SLC24A2: variants seen among roughly 807,000 people sequenced by gnomAD.
SLC24A2 encodes the protein solute carrier family 24 member 2, also known as sodium/potassium/calcium exchanger 2.
Under a neutral mutation model 62.0 loss-of-function variants are expected in SLC24A2, and 36 were observed. The observed-to-expected ratio is 0.58, with a 90% CI of 0.44 to 0.77. The LOEUF is 0.77. Among genes scored for constraint, SLC24A2 ranks in the 30% least tolerant of loss-of-function variants. The pLI is 0.00. For synonymous variants in SLC24A2, 358 were observed against 294.0 expected (o/e 1.22, Z -2.23); for missense variants, 846 against 817.9 (o/e 1.03, Z -0.42).
the SLC24A2 span, among the ~76,000 whole-genome samples, chr9:19,945,535 C>T: frequency 6.6e-6 from 1 of 152,224 alleles, no homozygotes; most frequent in African/African-American, 2.4e-5. Context: ...GGGTAATTCT[C>T]CCTTTGCTAT....
the SLC24A2 span, among the ~76,000 whole-genome samples, chr9:20,073,658 C>T: frequency 1.2e-4 from 19 of 152,078 alleles, no homozygotes; most frequent in Middle Eastern, 0.01. Context: ...GTATATTTAA[C>T]TTCCACAGGA....
chr9:20,191,156 C>T, the SLC24A2 span, among the ~76,000 whole-genome samples: 98 of 120,960 alleles, frequency 8.1e-4, no homozygotes, highest in Admixed American at 5.2e-3. Flanking sequence ...CCATGTTTTC[C>T]GGACCTTTTT....
At chr9:20,140,488 G>A in the SLC24A2 span, among the ~76,000 whole-genome samples, 1 of 152,178 alleles carries the variant, frequency 6.6e-6, no homozygotes, top group Non-Finnish European at 1.5e-5. Context: ...GACTCAGGCA[G>A]ACTGGAAAGC....
chr9:19,559,899 A>C lies in SLC24A2; in HGVS notation c.1348-9631T>G, dbSNP rs1325290270. 1.6e-4 allele frequency among the ~76,000 whole-genome samples: 25 copies of C among 152,194 alleles called. 1 individual carries two copies. The highest frequency in any genetic ancestry group is 3.7e-4 in the Non-Finnish European group (25 of 68,026). On this transcript the variant is annotated intron_variant, in intron 7 of 10. Coordinates refer to ENST00000341998, the MANE Select transcript of SLC24A2 (RefSeq NM_020344.4). ...AAATAGAACATTATACTTGAAATTGAAATATGGGAGACTGACCCATAAAAT... is the reference window on the plus strand; with the variant it reads ...AAATAGAACATTATACTTGAAATTGCAATATGGGAGACTGACCCATAAAAT...
the SLC24A2 span, among the ~76,000 whole-genome samples, chr9:20,292,630 G>C: frequency 1.3e-5 from 2 of 152,242 alleles, no homozygotes; most frequent in African/African-American, 4.8e-5. Context: ...TTTTGGGATA[G>C]TATCTCGTTC....
the SLC24A2 span, among the ~76,000 whole-genome samples, chr9:20,079,106 A>G: frequency 8.3e-4 from 126 of 152,178 alleles, 1 homozygote; most frequent in Non-Finnish European, 1.5e-3. Context: ...TCCAATGATA[A>G]TTGTCCTTAC....
the SLC24A2 span, among the ~76,000 whole-genome samples, chr9:20,098,216 C>T: frequency 1.3e-5 from 2 of 152,126 alleles, no homozygotes. Flanking sequence ...CAAGGTCATT[C>T]ATTTAACAAC....
At chr9:19,897,067 G>T in the SLC24A2 span, among the ~76,000 whole-genome samples, 1 of 152,140 alleles carries the variant, frequency 6.6e-6, no homozygotes, top group East Asian at 1.9e-4. Context: ...TCCACATCAA[G>T]CCTTCTTCAT....
the SLC24A2 span, among the ~76,000 whole-genome samples, chr9:19,862,187 A>G: frequency 6.6e-6 from 1 of 152,144 alleles, no homozygotes; most frequent in Admixed American, 6.5e-5. Flanking sequence ...AGGATTCTAA[A>G]AACAACAAAT....
chr9:19,725,222 C>T (rs1821136948), intron 2 of SLC24A2, among the ~76,000 whole-genome samples: 1 of 152,090 alleles, frequency 6.6e-6, no homozygotes, highest in Non-Finnish European at 1.5e-5. Context: ...CAGGTAATTC[C>T]CCCCACAACA....
chr9:19,694,931 T>C (rs7875579), intron 2 of SLC24A2, among the ~76,000 whole-genome samples: 2,241 of 152,078 alleles, frequency 0.015, 54 homozygotes, highest in African/African-American at 0.051. Context: ...TTTCCCTGTT[T>C]TTTTCTTTTT....
At chr9:19,525,659 A>G (rs901835394) in intron 9 of SLC24A2, among the ~76,000 whole-genome samples, 3 of 151,140 alleles carry the variant, frequency 2.0e-5, no homozygotes, top group African/African-American at 7.3e-5. Flanking sequence ...CTGCCTCAGC[A>G]TCCCAAAGTG....
At chr9:19,726,249 T>C (rs144162791) in intron 2 of SLC24A2, among the ~76,000 whole-genome samples, 1 of 152,272 alleles carries the variant, frequency 6.6e-6, no homozygotes, top group Non-Finnish European at 1.5e-5. Flanking sequence ...GTAGTCTTCT[T>C]GCTGCAGTAA....
chr9:20,004,712 T>A, the SLC24A2 span, among the ~76,000 whole-genome samples: 1 of 152,214 alleles, frequency 6.6e-6, no homozygotes, highest in Non-Finnish European at 1.5e-5. Flanking sequence ...CAATATGATA[T>A]ATCTTGTCTC....
the SLC24A2 span, among the ~76,000 whole-genome samples, chr9:20,134,442 T>G: frequency 1.3e-5 from 2 of 152,132 alleles, no homozygotes; most frequent in Non-Finnish European, 2.9e-5. Context: ...CCAGGGCAAC[T>G]GGAGTCTGAA....
chr9:20,061,682 A>C, the SLC24A2 span, among the ~76,000 whole-genome samples: 4 of 152,218 alleles, frequency 2.6e-5, no homozygotes, highest in Non-Finnish European at 5.9e-5. Context: ...TACAAACTTT[A>C]ATTCAAAATG....
At chr9:19,596,559 C>G (rs1006481122) in intron 5 of SLC24A2, among the ~76,000 whole-genome samples, 6 of 152,260 alleles carry the variant, frequency 3.9e-5, no homozygotes, top group Admixed American at 2.6e-4. Flanking sequence ...TGGGACAGTG[C>G]CTGGAATTCA....
chr9:20,227,366 C>G, the SLC24A2 span, among the ~76,000 whole-genome samples: 1 of 152,058 alleles, frequency 6.6e-6, no homozygotes, highest in Non-Finnish European at 1.5e-5. Flanking sequence ...AAGTGGTCCA[C>G]ACTTACTTGC....
the SLC24A2 span, among the ~76,000 whole-genome samples, chr9:20,213,938 C>T: frequency 6.6e-6 from 1 of 152,126 alleles, no homozygotes; most frequent in Non-Finnish European, 1.5e-5. Flanking sequence ...TATTACATGC[C>T]CATGTAAGCG....
Sources: allele counts gnomAD v4.1 joint callset (sites outside exome capture counted in the v4.1 genomes callset), GRCh38; gene constraint gnomAD v4.1.1; transcripts MANE v1.5; gene names NCBI Gene and HGNC (gene_info 2026-07-23, HGNC 2026-07-21).